The following FOXN2 variants were observed in gnomAD, a reference collection of about 807,000 sequenced individuals.
The protein encoded by FOXN2 is forkhead box N2.
A neutral mutation model predicts 41.2 loss-of-function variants in FOXN2; 19 were observed. The ratio of observed to expected loss-of-function variants is 0.46; its 90% CI spans 0.32 to 0.68. The LOEUF (loss-of-function observed/expected upper bound fraction) is 0.68. Among genes scored for constraint, FOXN2 ranks in the 30% least tolerant of loss-of-function variants. FOXN2 has a pLI of 0.03. For synonymous variants in FOXN2, 195 were observed against 176.8 expected, an observed-to-expected ratio of 1.10 and a Z score of -0.82; for missense variants, 587 against 509.4, an observed-to-expected ratio of 1.15 and a Z score of -1.47.
chr2:48,371,345 C>G (rs778296875), intron 5 of FOXN2, among the ~76,000 whole-genome samples: 7 of 151,860 alleles, frequency 4.6e-5, no homozygotes, highest in Non-Finnish European at 5.9e-5. Context: ...TGCAGTGACC[C>G]GAGAACACTC....
chr2:48,340,690 C>G (rs1406613792), intron 2 of FOXN2: 1 of 152,032 alleles, frequency 6.6e-6, no homozygotes, highest in Non-Finnish European at 1.5e-5. Flanking sequence ...ATTGATGTCT[C>G]CATAGAGACT....
chr2:48,362,528 C>G, intron 4 of FOXN2, 115 bp from the exon 5 acceptor site: 1 of 789,872 alleles, frequency 1.3e-6, no homozygotes, highest in Non-Finnish European at 2.1e-6. Context: ...GAAATCATGC[C>G]ACTGCACTCC....
chr2:48,364,153 G>A (rs961952345), intron 5 of FOXN2, among the ~76,000 whole-genome samples: 4 of 152,038 alleles, frequency 2.6e-5, no homozygotes, highest in Non-Finnish European at 4.4e-5. Flanking sequence ...TTTATTATAG[G>A]AAATTTGGGC....
chr2:48,315,255 CCCT>C (rs1327561963), intron 1 of FOXN2, among the ~76,000 whole-genome samples: 3 of 152,150 alleles, frequency 2.0e-5, no homozygotes, highest in Non-Finnish European at 2.9e-5. Flanking sequence ...TTGCAACGCC[CCCT>C]CCTCTGGCTT....
intron 2 of FOXN2, among the ~76,000 whole-genome samples, chr2:48,336,675 G>A (rs1670384335): frequency 6.6e-6 from 1 of 152,024 alleles, no homozygotes; most frequent in Non-Finnish European, 1.5e-5. Flanking sequence ...TACCAAAAAG[G>A]ATGGTAGAAG....
chr2:48,316,232 G>GT (rs1668912078), intron 1 of FOXN2, among the ~76,000 whole-genome samples: 1 of 152,018 alleles, frequency 6.6e-6, no homozygotes, highest in African/African-American at 2.4e-5. Flanking sequence ...GTATACCGAC[G>GT]TTTTTTGCCG....
chr2:48,322,043 G>A (rs1472151976), intron 1 of FOXN2, among the ~76,000 whole-genome samples: 1 of 152,176 alleles, frequency 6.6e-6, no homozygotes, highest in African/African-American at 2.4e-5. Context: ...CCGCCTTCGA[G>A]GTTCAAGCAA....
intron 2 of FOXN2, among the ~76,000 whole-genome samples, chr2:48,331,796 G>A (rs1432330631): frequency 6.8e-6 from 1 of 148,110 alleles, no homozygotes; most frequent in African/African-American, 2.5e-5. Context: ...CGGCCTCGGT[G>A]ACAGAACCAG....
intron 2 of FOXN2, among the ~76,000 whole-genome samples, chr2:48,334,794 T>C (rs547951828): frequency 1.2e-3 from 186 of 152,314 alleles, no homozygotes; most frequent in African/African-American, 4.4e-3. Flanking sequence ...TGGAGCCCCA[T>C]TGTACTGTAC....
intron 5 of FOXN2, among the ~76,000 whole-genome samples, chr2:48,370,888 G>C (rs1386063965): frequency 6.6e-6 from 1 of 152,036 alleles, no homozygotes; most frequent in Admixed American, 6.6e-5. Context: ...GTCCTGAAGT[G>C]TTTCATCTTT....
intron 5 of FOXN2, among the ~76,000 whole-genome samples, chr2:48,367,285 C>G (rs1459359177): frequency 1.3e-5 from 2 of 151,820 alleles, no homozygotes; most frequent in Non-Finnish European, 2.9e-5. Context: ...GTTCTAGACA[C>G]CAAGGTACAT....
intron 2 of FOXN2, among the ~76,000 whole-genome samples, chr2:48,340,469 T>TG (rs1250027787): frequency 2.0e-5 from 3 of 152,078 alleles, no homozygotes; most frequent in African/African-American, 7.2e-5. Flanking sequence ...TATGCAGATG[T>TG]GCAAATCTCT....
chr2:48,346,770 T>G lies in FOXN2; in HGVS notation c.537+19T>G. 1 of 1,534,084 alleles carries G rather than the reference T, an allele frequency of 6.5e-7. No homozygotes were observed. The highest frequency in any genetic ancestry group is 8.7e-7 in the Non-Finnish European group (1 of 1,148,198). ...TGGCAAGGTCAGTGTTTATGAACAT[T>G]GCTATATTTGGTGAGGTGGGGGGAC... On this transcript the variant is annotated intron_variant, in intron 3 of 6. Transcript: ENST00000340553.
chr2:48,347,904 G>A (rs1409279262), intron 3 of FOXN2, among the ~76,000 whole-genome samples: 3 of 152,030 alleles, frequency 2.0e-5, no homozygotes, highest in African/African-American at 7.2e-5. Context: ...GGCTCCCATA[G>A]TTTCTGGTGA....
chr2:48,344,712 T>A (rs72820411), intron 2 of FOXN2, among the ~76,000 whole-genome samples: 16,754 of 152,200 alleles, frequency 0.11, 1,381 homozygotes, highest in East Asian at 0.45. Flanking sequence ...TAAACTGTTC[T>A]ACATCTAAAA....
intron 2 of FOXN2, among the ~76,000 whole-genome samples, chr2:48,338,134 G>C (rs1298402690): frequency 6.6e-6 from 1 of 152,148 alleles, no homozygotes. Flanking sequence ...ACTCAGTTAA[G>C]TTAGAAATAG....
At chr2:48,337,396 C>T (rs1670437881) in intron 2 of FOXN2, among the ~76,000 whole-genome samples, 1 of 151,366 alleles carries the variant, frequency 6.6e-6, no homozygotes, top group South Asian at 2.1e-4. Flanking sequence ...TTCCCGGGTT[C>T]AAGCAATTCT....
intron 2 of FOXN2, among the ~76,000 whole-genome samples, chr2:48,333,888 G>GGT (rs150519800): frequency 0.016 from 2,436 of 150,382 alleles, 27 homozygotes; most frequent in East Asian, 0.028. Context: ...TAGGATGTGA[G>GGT]GTGTGTGTGT....
Position 48,375,282 on chromosome 2 carries a change from G to A in FOXN2, c.1135G>A (p.Gly379Arg), listed in dbSNP as rs1007175493. The part of the protein sequence containing the change: ...SQPCAKISEK[G>R]QSGKKMRKQT... The stretch of plus-strand genomic sequence containing the variant: ...GCCTTGTGCAAAAATCTCTGAAAAA[G>A]GGCAGTCAGGCAAAAAGATGCGAAA... Residue 379 changes from glycine (G) to arginine (R), a missense_variant, in exon 7 of 7, where the codon GGG becomes AGG. Transcript: ENST00000340553. The A allele has an allele frequency of 1.2e-6, 2 of 1,613,858 alleles. No homozygotes were observed. Among genetic ancestry groups the A allele is most frequent in the African/African-American group, 2.7e-5 (2 of 74,912 alleles).
Sources: allele counts gnomAD v4.1 joint callset (sites outside exome capture counted in the v4.1 genomes callset), GRCh38; gene constraint gnomAD v4.1.1; transcripts MANE v1.5; gene names NCBI Gene and HGNC (gene_info 2026-07-23, HGNC 2026-07-21).